Variants in RSAD2 observed in about 807,000 individuals in gnomAD.
The protein encoded by RSAD2 is radical S-adenosyl methionine domain containing 2.
RSAD2 carries 38 observed loss-of-function variants against 37.7 expected under a neutral mutation model. The ratio of observed to expected loss-of-function variants is 1.01; its 90% CI spans 0.78 to 1.32. The LOEUF (loss-of-function observed/expected upper bound fraction) is 1.32. RSAD2 is among the 40% of genes most tolerant of loss of function. The probability of loss-of-function intolerance (pLI) is 0.00; values close to 1 mark genes in which losing one functional copy is unlikely to be tolerated. For synonymous variants in RSAD2, 163 were observed against 157.4 expected, an observed-to-expected ratio of 1.04 and a Z score of -0.27; for missense variants, 428 against 437.5, an observed-to-expected ratio of 0.98 and a Z score of 0.19.
intron 1 of RSAD2, among the ~76,000 whole-genome samples, chr2:6,871,798 CT>C (rs763865056): frequency 2.2e-4 from 33 of 152,226 alleles, no homozygotes; most frequent in Non-Finnish European, 4.7e-4. Context: ...AGTCAAAATG[CT>C]TTTCAAGTTC....
chr2:6,883,056 C>T (rs1663446254), intron 1 of RSAD2, among the ~76,000 whole-genome samples: 1 of 152,164 alleles, frequency 6.6e-6, no homozygotes. Context: ...GGCAGCTGGC[C>T]CGTGGACAGT....
At chr2:6,871,193 G>A (rs754238105) in intron 1 of RSAD2, among the ~76,000 whole-genome samples, 2 of 152,168 alleles carry the variant, frequency 1.3e-5, no homozygotes, top group Non-Finnish European at 1.5e-5. Context: ...AAAGATTAGC[G>A]CTTGCAGGAC....
At chr2:6,865,892 C>T (rs1317836738) in exon 1 of RSAD2, 24 of 1,409,682 alleles carry the variant, frequency 1.7e-5, no homozygotes, top group South Asian at 2.8e-5. Context: ...GGCCTCTCCT[C>T]CTCGCCGCGA....
intron 5 of RSAD2, among the ~76,000 whole-genome samples, chr2:6,894,159 G>A (rs1663691581): frequency 6.6e-6 from 1 of 152,054 alleles, no homozygotes; most frequent in African/African-American, 2.4e-5. Flanking sequence ...GATAAACCTT[G>A]GCTTTCCTAA....
chr2:6,884,892 A>G (rs1046728295), intron 2 of RSAD2, among the ~76,000 whole-genome samples: 3 of 152,242 alleles, frequency 2.0e-5, no homozygotes, highest in Non-Finnish European at 4.4e-5. Context: ...GAAAATAATT[A>G]GAAATATTTT....
At chr2:6,871,432 G>C (rs1663203034) in intron 1 of RSAD2, among the ~76,000 whole-genome samples, 4 of 152,064 alleles carry the variant, frequency 2.6e-5, no homozygotes, top group Admixed American at 2.6e-4. Flanking sequence ...TGTTACTTTG[G>C]CATTAATTTT....
rs905044795 is a variant in RSAD2 at position 6,897,136 on chromosome 2, G to C, written c.*1194G>C. 6.6e-6 allele frequency: 1 copy of C among 152,126 alleles called. No homozygotes were observed. Among genetic ancestry groups the C allele is most frequent in the Non-Finnish European group, 1.5e-5 (1 of 68,032 alleles). The allele number at this position is 152,126 out of a possible 1,614,324, so 9.4% of individuals were successfully genotyped here. On this transcript the variant is annotated 3_prime_UTR_variant, in exon 6 of 6. Coordinates refer to ENST00000382040, the MANE Select transcript of RSAD2 (RefSeq NM_080657.5). ...AGAAGAGTCAGCTCAGAGAAAGCAA[G>C]CATAAGGGAAAATGTCACGTAAACT...
intron 1 of RSAD2, chr2:6,866,261 C>T (rs1286123621): frequency 4.0e-5 from 9 of 222,734 alleles, no homozygotes; most frequent in South Asian, 1.2e-4. Context: ...GGGCTCCCTC[C>T]CCGACCTCAA....
intron 5 of RSAD2, 57 bp downstream of exon 5, chr2:6,893,760 G>A: frequency 7.9e-7 from 1 of 1,264,954 alleles, no homozygotes; most frequent in Non-Finnish European, 1.1e-6. Context: ...TAGCAGTAAT[G>A]GCAGAGTTGA....
At chr2:6,895,562 A>C (rs1314265055) in intron 5 of RSAD2, among the ~76,000 whole-genome samples, 1 of 152,238 alleles carries the variant, frequency 6.6e-6, no homozygotes, top group Middle Eastern at 3.2e-3. Flanking sequence ...TTGTGCGCTT[A>C]GGTGTCTACT....
At chr2:6,888,934 C>A (rs750637249) in intron 3 of RSAD2, among the ~76,000 whole-genome samples, 2 of 152,210 alleles carry the variant, frequency 1.3e-5, no homozygotes, top group African/African-American at 2.4e-5. Context: ...AATGAGCATG[C>A]GTGATTACTC....
intron 2 of RSAD2, among the ~76,000 whole-genome samples, chr2:6,885,451 G>T (rs1449140614): frequency 1.3e-5 from 2 of 152,130 alleles, no homozygotes; most frequent in East Asian, 3.9e-4. Flanking sequence ...GATTCAACAT[G>T]CCCCATTGCT....
chr2:6,884,286 C>T (rs778054690), intron 2 of RSAD2, among the ~76,000 whole-genome samples: 36 of 152,110 alleles, frequency 2.4e-4, no homozygotes, highest in African/African-American at 4.8e-4. Context: ...GGGGGAGGGA[C>T]GCTGTGGATG....
intron 1 of RSAD2, among the ~76,000 whole-genome samples, chr2:6,879,610 T>G (rs115798805): frequency 0.013 from 1,951 of 152,272 alleles, 43 homozygotes; most frequent in African/African-American, 0.042. Context: ...ACTTTTCACT[T>G]ATGAGCTTAT....
At chr2:6,893,942 G>A (rs1243974513) in intron 5 of RSAD2, among the ~76,000 whole-genome samples, 1 of 152,162 alleles carries the variant, frequency 6.6e-6, no homozygotes, top group African/African-American at 2.4e-5. Flanking sequence ...GATTTGCACT[G>A]AGCACCATAT....
intron 3 of RSAD2, among the ~76,000 whole-genome samples, chr2:6,888,068 G>A (rs368831471): frequency 2.0e-5 from 3 of 152,306 alleles, no homozygotes; most frequent in East Asian, 1.9e-4. Context: ...AAGAATTTTC[G>A]TAGGTGGCAA....
intron 1 of RSAD2, among the ~76,000 whole-genome samples, chr2:6,868,841 T>A (rs1663153948): frequency 6.6e-6 from 1 of 152,216 alleles, no homozygotes; most frequent in Non-Finnish European, 1.5e-5. Flanking sequence ...CCATGATTGC[T>A]GTTGGGCCAA....
intron 1 of RSAD2, among the ~76,000 whole-genome samples, chr2:6,882,698 C>T (rs1217850914): frequency 1.3e-5 from 2 of 152,110 alleles, no homozygotes; most frequent in African/African-American, 4.8e-5. Flanking sequence ...CTAGGACACC[C>T]GGTCTTGAAA....
chr2:6,867,407 T>C (rs980143371), intron 1 of RSAD2, among the ~76,000 whole-genome samples: 2 of 152,140 alleles, frequency 1.3e-5, no homozygotes, highest in Admixed American at 1.3e-4. Flanking sequence ...GTTCCAAATT[T>C]CCTCTTCTGG....
Sources: allele counts gnomAD v4.1 joint callset (sites outside exome capture counted in the v4.1 genomes callset), GRCh38; gene constraint gnomAD v4.1.1; transcripts MANE v1.5; gene names NCBI Gene and HGNC (gene_info 2026-07-23, HGNC 2026-07-21).